Variants in DNAH12 observed in about 807,000 individuals in gnomAD.
DNAH12 encodes axonemal beta dynein heavy chain 12.
A neutral mutation model predicts 371.5 loss-of-function variants in DNAH12; 285 were observed. The observed-to-expected ratio is 0.77, with a 90% CI of 0.70 to 0.85. The LOEUF (loss-of-function observed/expected upper bound fraction) is 0.85, where lower values mean the gene tolerates loss of function less well. Ranked by LOEUF, DNAH12 falls within the 40% of genes least tolerant of loss-of-function variation. DNAH12 has a pLI of 0.00. For missense variants in DNAH12, 3,611 were observed against 3,689.4 expected, an observed-to-expected ratio of 0.98 and a Z score of 0.55; for synonymous variants, 1,200 against 1,213.0, an observed-to-expected ratio of 0.99 and a Z score of 0.22.
At position 57,461,613 on chromosome 3, in the gene DNAH12, C is replaced by T. The variant is rs1329216640; in HGVS notation, c.2612G>A (p.Arg871His). The T allele has an allele frequency of 4.5e-6, 7 of 1,550,992 alleles. No individual in the cohort carries two copies. The highest frequency in any genetic ancestry group is 3.6e-5 in the South Asian group (3 of 84,028). Residue 871 changes from arginine to histidine, a missense_variant, in exon 19 of 74, where the codon CGT (arginine) becomes CAT (histidine). Around this residue, in one of 3 missense-constraint regions of DNAH12, gnomAD observed 1,314 missense variants for 1,398.7 expected, o/e 0.94. Transcript: ENST00000495027. The part of the protein sequence containing the change: ...EDIAFHISLY[R>H]DTGVCILSSV... ...AGAAAGAATACAGACTCCAGTGTCA[C>T]GATACAGACTTATATGAAAAGCAAT...
intron 27 of DNAH12, 71 bp from the exon 28 acceptor site, chr3:57,445,490 C>G: frequency 7.7e-7 from 1 of 1,297,486 alleles, no homozygotes; most frequent in African/African-American, 1.5e-5. Context: ...CATAAGTATT[C>G]AAAGGTGTGG....
the DNAH12 span, among the ~76,000 whole-genome samples, chr3:57,553,119 C>T: frequency 6.6e-6 from 1 of 151,578 alleles, no homozygotes; most frequent in Non-Finnish European, 1.5e-5. Context: ...GAGGTTTTCA[C>T]TGAGCCAAGA....
Position 57,408,419 on chromosome 3 carries a change from T to C in DNAH12, c.6137A>G (p.Asn2046Ser). ...ACTAAAAGAATTAATACTGCAGATG[T>C]TGAAATGTCGAATACAACGGGGAGT... is the stretch of plus-strand genomic sequence containing the variant. Reference protein sequence around the residue: ...PVTPRCIRHFNICSINSFSDE... With the variant: ...PVTPRCIRHFSICSINSFSDE... The change falls in exon 40 of 74, where the codon AAC becomes AGC. Residue 2046 changes from asparagine (N) to serine (S), a missense_variant. Coordinates refer to ENST00000495027, the MANE Select transcript of DNAH12 (RefSeq NM_001366028.2). The C allele has an allele frequency of 6.4e-7, 1 of 1,551,586 alleles. No homozygotes were observed. Among genetic ancestry groups the C allele is most frequent in the Middle Eastern group, 1.7e-4 (1 of 5,990 alleles).
At chr3:57,469,367 T>C (rs2066301290) in intron 16 of DNAH12, among the ~76,000 whole-genome samples, 1 of 152,182 alleles carries the variant, frequency 6.6e-6, no homozygotes, top group African/African-American at 2.4e-5. Context: ...GCTTATACAC[T>C]GTTGCACTAT....
chr3:57,319,961 T>C (rs1326565542), intron 65 of DNAH12, among the ~76,000 whole-genome samples: 1 of 152,164 alleles, frequency 6.6e-6, no homozygotes, highest in East Asian at 1.9e-4. Flanking sequence ...CATGTGATTT[T>C]TATCTTTCTT....
At chr3:57,468,597 A>G (rs1424192614) in intron 17 of DNAH12, 139 bp downstream of exon 17, 7 of 489,436 alleles carry the variant, frequency 1.4e-5, no homozygotes, top group Non-Finnish European at 3.1e-6. Context: ...ATAGAGCAAG[A>G]CCCTGTCTCA....
chr3:57,427,173 T>TGTGTGTGTGTGTGC (rs776067106), intron 34 of DNAH12, among the ~76,000 whole-genome samples: 1 of 149,346 alleles, frequency 6.7e-6, no homozygotes, highest in Non-Finnish European at 1.5e-5. Flanking sequence ...TGTGTGTGTG[T>TGTGTGTGTGTGTGC]AGGAGATGGT....
At chr3:57,449,459 C>T (rs535325144) in intron 25 of DNAH12, among the ~76,000 whole-genome samples, 178 of 152,322 alleles carry the variant, frequency 1.2e-3, no homozygotes, top group African/African-American at 4.0e-3. Context: ...GAGGCTCAGG[C>T]ATGGCGGGCT....
chr3:57,433,070 A>G (rs1344404896), intron 32 of DNAH12, among the ~76,000 whole-genome samples: 1 of 152,066 alleles, frequency 6.6e-6, no homozygotes, highest in Non-Finnish European at 1.5e-5. Flanking sequence ...CTGAAGTTCT[A>G]TAAGAAACCA....
intron 69 of DNAH12, among the ~76,000 whole-genome samples, chr3:57,302,804 G>A (rs1381952575): frequency 1.3e-5 from 2 of 148,752 alleles, no homozygotes; most frequent in African/African-American, 4.9e-5. Context: ...TCGAACTCCT[G>A]ACCTCAGGTG....
intron 59 of DNAH12, among the ~76,000 whole-genome samples, chr3:57,356,904 G>A (rs908116235): frequency 1.3e-5 from 2 of 151,704 alleles, no homozygotes; most frequent in Non-Finnish European, 2.9e-5. Flanking sequence ...CACCACGCCT[G>A]GCTAATTTTT....
intron 57 of DNAH12, among the ~76,000 whole-genome samples, chr3:57,365,256 C>T (rs935304937): frequency 6.6e-6 from 1 of 152,182 alleles, no homozygotes; most frequent in Non-Finnish European, 1.5e-5. Flanking sequence ...GGTACATATA[C>T]ACCATGGAAT....
At chr3:57,380,616 C>T (rs2063369133) in intron 50 of DNAH12, among the ~76,000 whole-genome samples, 1 of 152,128 alleles carries the variant, frequency 6.6e-6, no homozygotes, top group Non-Finnish European at 1.5e-5. Context: ...AGGCTTCTGT[C>T]ACCACACCTG....
At chr3:57,480,213 A>G (rs2066688312) in intron 13 of DNAH12, among the ~76,000 whole-genome samples, 2 of 152,258 alleles carry the variant, frequency 1.3e-5, no homozygotes, top group South Asian at 2.1e-4. Flanking sequence ...AATCAAATAG[A>G]TGCAATAAAA....
At position 57,535,840 on chromosome 3, in the gene DNAH12, A is replaced by ATTT. The variant is rs11392001; in HGVS notation, c.170+6858_170+6860dup. Among the ~76,000 whole-genome samples, 180 of 131,254 alleles carry ATTT rather than the reference A, an allele frequency of 1.4e-3. 2 individuals carry two copies. Among genetic ancestry groups the ATTT allele is most frequent in the African/African-American group, 2.8e-3 (103 of 36,778 alleles). 86.1% of individuals were successfully genotyped at this position (131,254 alleles called of 152,430 possible). On this transcript the variant is annotated intron_variant, in intron 2 of 73. Transcript: ENST00000495027. ...TACAGGCGTGAGCCACCACACCCCA[A>ATTT]TTTTTTTTTTTTTTTGAGACAGAGT...
chr3:57,303,313 T>A (rs138224878), intron 69 of DNAH12, among the ~76,000 whole-genome samples: 2,193 of 117,148 alleles, frequency 0.019, 61 homozygotes, highest in African/African-American at 0.07. Context: ...CACTCCAGCC[T>A]GGGCGACAGA....
At chr3:57,296,778 T>C in intron 71 of DNAH12, 69 bp downstream of exon 71, 2 of 1,496,260 alleles carry the variant, frequency 1.3e-6, no homozygotes, top group Non-Finnish European at 9.0e-7. Flanking sequence ...TGGGTTACAA[T>C]ACATAAACTC....
intron 39 of DNAH12, among the ~76,000 whole-genome samples, chr3:57,411,526 C>CAAAAAAAAAA (rs57344840): frequency 2.3e-4 from 9 of 39,148 alleles, no homozygotes; most frequent in East Asian, 1.3e-3. Flanking sequence ...GACACTGTCT[C>CAAAAAAAAAA]AAAAAAAAAA....
intron 5 of DNAH12, among the ~76,000 whole-genome samples, chr3:57,510,562 C>G (rs958112700): frequency 2.0e-5 from 3 of 152,064 alleles, no homozygotes; most frequent in African/African-American, 7.2e-5. Context: ...ATCGCTTCAA[C>G]TCAGCAGGCG....
Sources: allele counts gnomAD v4.1 joint callset (sites outside exome capture counted in the v4.1 genomes callset), GRCh38; gene constraint gnomAD v4.1.1; regional missense constraint gnomAD v4.1.1; transcripts MANE v1.5; gene names NCBI Gene and HGNC (gene_info 2026-07-23, HGNC 2026-07-21).